ARHGEF10: variants seen among roughly 807,000 people sequenced by gnomAD.
ARHGEF10 encodes Rho guanine nucleotide exchange factor (GEF) 10.
ARHGEF10 carries 140 observed loss-of-function variants against 147.4 expected under a neutral mutation model. The observed-to-expected ratio is 0.95, with a 90% CI of 0.83 to 1.09. ARHGEF10 has a LOEUF of 1.09. ARHGEF10 is among the 50% of genes least tolerant of loss of function. ARHGEF10 has a pLI of 0.00. For missense variants in ARHGEF10, 2,222 were observed against 1,752.7 expected (o/e 1.27, Z -4.78); for synonymous variants, 902 against 695.8 (o/e 1.30, Z -4.67).
chr8:1,843,267 C>A (rs11136431), intron 1 of ARHGEF10, 86 bp from the exon 2 acceptor site: 1 of 963,226 alleles, frequency 1.0e-6, no homozygotes, highest in Non-Finnish European at 1.6e-6. Context: ...TTCCTTTTTG[C>A]GGGGTTCTCT....
chr8:1,949,298 A>G (rs1330469315), intron 27 of ARHGEF10, among the ~76,000 whole-genome samples: 2 of 152,188 alleles, frequency 1.3e-5, no homozygotes, highest in Non-Finnish European at 1.5e-5. Flanking sequence ...TTTGGAATTC[A>G]CTTCTGAAAA....
intron 11 of ARHGEF10, among the ~76,000 whole-genome samples, chr8:1,892,127 T>A (rs2129152060): frequency 6.6e-6 from 1 of 152,060 alleles, no homozygotes; most frequent in East Asian, 1.9e-4. Flanking sequence ...GGAATCTGAA[T>A]TTCAGAAGAA....
At chr8:1,938,314 C>T (rs1813788653) in intron 26 of ARHGEF10, among the ~76,000 whole-genome samples, 1 of 152,150 alleles carries the variant, frequency 6.6e-6, no homozygotes. Flanking sequence ...GGGGGCGTTG[C>T]CTGGACAGGT....
intron 2 of ARHGEF10, among the ~76,000 whole-genome samples, chr8:1,852,128 C>T (rs1316207026): frequency 6.6e-6 from 1 of 152,166 alleles, no homozygotes; most frequent in Non-Finnish European, 1.5e-5. Context: ...ATAACAACAA[C>T]AACTGAGGCT....
chr8:1,864,184 T>C (rs1806386067), intron 4 of ARHGEF10, among the ~76,000 whole-genome samples, 189 bp from the exon 5 acceptor site: 1 of 152,226 alleles, frequency 6.6e-6, no homozygotes, highest in Non-Finnish European at 1.5e-5. Context: ...GATCACATTT[T>C]ATTAGATTCC....
At position 1,948,830 on chromosome 8, in the gene ARHGEF10, G is replaced by T. The variant is rs529061880; in HGVS notation, c.3397+3175G>T. Among the ~76,000 whole-genome samples, 1 of 152,168 alleles carries T rather than the reference G, an allele frequency of 6.6e-6. No homozygotes were observed. The highest frequency in any genetic ancestry group is 1.5e-5 in the Non-Finnish European group (1 of 68,040). On this transcript the variant is annotated intron_variant, in intron 27 of 28. Coordinates refer to ENST00000349830, the MANE Select transcript of ARHGEF10 (RefSeq NM_014629.4). The surrounding 1 kb of genome is among the most constrained non-coding windows in gnomAD (Gnocchi z 4.9). The stretch of plus-strand genomic sequence containing the variant: ...GCTGTATTTAGACATTCCGGTGGGG[G>T]CATGCTCATACCGTGCTGAAGTGCG...
chr8:1,839,202 G>T (rs1803782671), intron 1 of ARHGEF10, among the ~76,000 whole-genome samples: 1 of 138,370 alleles, frequency 7.2e-6, no homozygotes. Context: ...TGTGGGGACT[G>T]TTTTGTGTGG....
chr8:1,957,164 G>A lies in ARHGEF10; in HGVS notation c.3936G>A (p.Gly1312=). The change falls in exon 29 of 29, where the codon GGG becomes GGA. Residue 1312 remains glycine, a synonymous_variant. Coordinates refer to ENST00000349830, the MANE Select transcript of ARHGEF10 (RefSeq NM_014629.4). The part of the protein sequence containing the change: ...KASSALVVCG[G]QGHRRVHRKA... ...GCTCGGCGCTGGTGGTCTGTGGAGG[G>A]CAGGGCCACCGCCGGGTGCACAGGA... The A allele has an allele frequency of 6.2e-7, 1 of 1,612,608 alleles. No individual in the cohort carries two copies. The highest frequency in any genetic ancestry group is 8.5e-7 in the Non-Finnish European group (1 of 1,180,016).
rs1812460724 is a variant in ARHGEF10, at chr8:1,923,589, A to C, written c.2381A>C (p.Gln794Pro). 6.2e-7 allele frequency: 1 copy of C among 1,614,026 alleles called. No homozygotes were observed. Among genetic ancestry groups the C allele is most frequent in the Non-Finnish European group, 8.5e-7 (1 of 1,180,044 alleles). Residue 794 changes from glutamine (Q) to proline (P), a missense_variant, in exon 20 of 29, where the codon CAG becomes CCG. By Grantham distance (76) the Gln-to-Pro change is moderately conservative. Coordinates refer to ENST00000349830, the MANE Select transcript of ARHGEF10 (RefSeq NM_014629.4). ...ATTCAGTTACAGCTTCCCGGGAAGC[A>C]GGACAAGTTAGTAGTAGCTTTAAAA... ...CRIQLQLPGK[Q>P]DKSGRPTFFT... is the part of the protein sequence containing the mutation.
intron 7 of ARHGEF10, among the ~76,000 whole-genome samples, chr8:1,873,030 C>A (rs1438994916): frequency 1.3e-5 from 2 of 152,236 alleles, no homozygotes; most frequent in Non-Finnish European, 2.9e-5. Context: ...TCTGGTGACT[C>A]AGAAGCCAAC....
intron 28 of ARHGEF10, among the ~76,000 whole-genome samples, chr8:1,956,475 A>G (rs1026491208): frequency 5.3e-5 from 8 of 152,236 alleles, no homozygotes; most frequent in African/African-American, 1.9e-4. Flanking sequence ...TGAAAAGTAC[A>G]GTAGGAGTAT....
chr8:1,918,460 C>CTGTGTGTGTGTGTGTGTGTGTG (rs60519090), intron 18 of ARHGEF10, among the ~76,000 whole-genome samples: 10 of 140,854 alleles, frequency 7.1e-5, no homozygotes, highest in African/African-American at 2.7e-4. Context: ...CATTTGATGG[C>CTGTGTGTGTGTGTGTGTGTGTG]TGTGTGTGTG....
At position 1,888,089 on chromosome 8, in the gene ARHGEF10, G is replaced by GAA. The variant is rs1442742407; in HGVS notation, c.1182+2382_1182+2383insAA. ...ATGAGGGTTTATGAGGAGACACTAG[G>GAA]TAGGGTGAATGTTTTGAGGAGACAC... On this transcript the variant is annotated intron_variant, in intron 11 of 28. Coordinates refer to ENST00000349830, the MANE Select transcript of ARHGEF10 (RefSeq NM_014629.4). Among the ~76,000 whole-genome samples the GAA allele has an allele frequency of 7.2e-4, 104 of 143,550 alleles. 2 individuals carry two copies. The highest frequency in any genetic ancestry group is 1.0e-3 in the African/African-American group (38 of 37,282). The allele number at this position is 143,550 out of a possible 152,430, so 94.2% of individuals were successfully genotyped here.
chr8:1,861,149 T>G (rs1376130220), intron 4 of ARHGEF10, among the ~76,000 whole-genome samples: 1 of 152,158 alleles, frequency 6.6e-6, no homozygotes, highest in African/African-American at 2.4e-5. Flanking sequence ...CCATTTCGAG[T>G]CTGCTTCCTC....
chr8:1,923,196 A>C, intron 19 of ARHGEF10, 117 bp downstream of exon 19: 1 of 923,892 alleles, frequency 1.1e-6, no homozygotes, highest in Non-Finnish European at 1.7e-6. Context: ...TTTAAAAATT[A>C]ATCTGAATGT....
intron 7 of ARHGEF10, among the ~76,000 whole-genome samples, chr8:1,871,384 A>C (rs1807110736): frequency 6.6e-6 from 1 of 152,220 alleles, no homozygotes; most frequent in Non-Finnish European, 1.5e-5. Flanking sequence ...TTTAGAAATT[A>C]AAAATGATAT....
At position 1,916,046 on chromosome 8, in the gene ARHGEF10, C is replaced by T. The variant is rs773349522; in HGVS notation, c.2143+6576C>T. Among the ~76,000 whole-genome samples, 10 of 152,214 alleles carry T rather than the reference C, an allele frequency of 6.6e-5. 1 individual carries two copies. Among genetic ancestry groups the T allele is most frequent in the Non-Finnish European group, 1.3e-4 (9 of 68,040 alleles). On this transcript the variant is annotated intron_variant, in intron 18 of 28. Transcript: ENST00000349830. ...GCCATGGGGATGGGCCAGATGAGTG[C>T]CATGCCTGTGTGTCACATGCCAGTC...
intron 17 of ARHGEF10, among the ~76,000 whole-genome samples, chr8:1,908,443 A>G (rs968807562): frequency 2.6e-5 from 4 of 152,106 alleles, no homozygotes; most frequent in African/African-American, 4.8e-5. Flanking sequence ...TGTGTTAGCC[A>G]GGATGGTCTC....
At chr8:1,900,235 G>C (rs934216482) in intron 15 of ARHGEF10, among the ~76,000 whole-genome samples, 2 of 152,170 alleles carry the variant, frequency 1.3e-5, no homozygotes, top group African/African-American at 4.8e-5. Flanking sequence ...AGACAGAAGG[G>C]GTGGGCGGGC....
Sources: gnomAD v4.1 joint callset for allele counts (sites outside exome capture counted in the v4.1 genomes callset) on GRCh38, gnomAD v4.1.1 for gene constraint, Gnocchi (gnomAD v3.1) non-coding constraint, MANE v1.5 for transcripts, NCBI Gene and HGNC (gene_info 2026-07-23, HGNC 2026-07-21) for gene names.